Variants in ZNF280D observed in about 807,000 individuals in gnomAD.
ZNF280D encodes the protein zinc finger protein 280D.
ZNF280D carries 39 observed loss-of-function variants against 94.7 expected under a neutral mutation model. That is an observed-to-expected ratio of 0.41 (90% CI 0.32 to 0.54). The LOEUF (loss-of-function observed/expected upper bound fraction) is 0.54, where lower values mean the gene tolerates loss of function less well. ZNF280D is among the 20% of genes least tolerant of loss of function. ZNF280D has a pLI of 0.22. For synonymous variants in ZNF280D, 398 were observed against 377.6 expected (o/e 1.05, Z -0.63); for missense variants, 1,090 against 1,149.3 (o/e 0.95, Z 0.75).
At chr15:56,669,996 AT>A (rs1281678443) in intron 13 of ZNF280D, among the ~76,000 whole-genome samples, 4 of 1,526 alleles carry the variant, frequency 2.6e-3, no homozygotes, top group African/African-American at 5.7e-3. Flanking sequence ...ATATATATAT[AT>A]TATATATATA....
At position 56,632,045 on chromosome 15, in the gene ZNF280D, TTTG is replaced by T. The variant is rs1460574163; in HGVS notation, c.2390_2392del (p.Thr797del). 1 of 1,612,896 alleles carries T rather than the reference TTTG, an allele frequency of 6.2e-7. No homozygotes were observed. The highest frequency in any genetic ancestry group is 8.5e-7 in the Non-Finnish European group (1 of 1,179,504). ...TGAAACTGTTATGCTTTCTTCACTT[TTTG>T]TTGTTGATGAGCCTTCAAATGAATT... On this transcript the variant is annotated inframe_deletion, in exon 22 of 22. Transcript: ENST00000267807.
intron 16 of ZNF280D, among the ~76,000 whole-genome samples, chr15:56,661,795 A>C (rs1566947916): frequency 6.6e-6 from 1 of 152,228 alleles, no homozygotes; most frequent in Non-Finnish European, 1.5e-5. Context: ...GACAACTTAG[A>C]AATTAATAGC....
At chr15:56,669,136 T>A (rs1375788989) in intron 13 of ZNF280D, among the ~76,000 whole-genome samples, 179 bp from the exon 14 acceptor site, 1 of 152,038 alleles carries the variant, frequency 6.6e-6, no homozygotes, top group Non-Finnish European at 1.5e-5. Context: ...CATTAGTATT[T>A]GGGTTTCAAA....
At chr15:56,709,889 A>G (rs1032605187) in intron 1 of ZNF280D, among the ~76,000 whole-genome samples, 11 of 152,198 alleles carry the variant, frequency 7.2e-5, no homozygotes, top group Non-Finnish European at 1.3e-4. Flanking sequence ...GGATAGCATT[A>G]GGAGATATAC....
intron 4 of ZNF280D, among the ~76,000 whole-genome samples, chr15:56,701,639 TTACA>T (rs1319318479): frequency 6.6e-6 from 1 of 152,132 alleles, no homozygotes; most frequent in Non-Finnish European, 1.5e-5. Flanking sequence ...GACAGGGCTG[TTACA>T]TACAGTCAGG....
chr15:56,700,174 A>T, intron 6 of ZNF280D: 1 of 978,696 alleles, frequency 1.0e-6, no homozygotes, highest in Non-Finnish European at 1.2e-6. Context: ...ATGTCTAAAA[A>T]AGTGTACATT....
chr15:56,733,448 G>GGGCGCTTACCGTGAGCGGAGC lies in ZNF280D; in HGVS notation c.-97_-86+9dup. On this transcript the variant is annotated intron_variant, in intron 1 of 21. Transcript: ENST00000267807. ...CAGCGCAGGGCGGGCGGGGGCGGGG[G>GGGCGCTTACCGTGAGCGGAGC]GGCGCTTACCGTGAGCGGAGCGGAT... 2 of 1,063,818 alleles carry GGGCGCTTACCGTGAGCGGAGC rather than the reference G, an allele frequency of 1.9e-6. No homozygotes were observed. The highest frequency in any genetic ancestry group is 2.3e-6 in the Non-Finnish European group (2 of 875,486). 65.9% of individuals were successfully genotyped at this position (1,063,818 alleles called of 1,614,324 possible).
rs752586659 is a variant in ZNF280D, at chr15:56,654,253, TTTTACA to T, written c.2177-25_2177-20del. The stretch of plus-strand genomic sequence containing the variant: ...ACAGAAACTGAAATTAGAAGAAAAG[TTTTACA>T]TTTACAACAGCATATGAAATATGAT... On this transcript the variant is annotated intron_variant, in intron 18 of 21. Coordinates refer to ENST00000267807, the MANE Select transcript of ZNF280D (RefSeq NM_017661.4). 6 of 1,609,680 alleles carry T rather than the reference TTTTACA, an allele frequency of 3.7e-6. No individual in the cohort carries two copies. The highest frequency in any genetic ancestry group is 5.1e-6 in the Non-Finnish European group (6 of 1,178,858).
intron 7 of ZNF280D, among the ~76,000 whole-genome samples, chr15:56,691,990 T>C (rs1025262504): frequency 1.3e-5 from 2 of 152,104 alleles, no homozygotes; most frequent in African/African-American, 4.8e-5. Context: ...GATCAAATCA[T>C]CCCACTTACT....
At chr15:56,688,948 G>A (rs778376195) in intron 9 of ZNF280D, 93 bp downstream of exon 9, 8 of 689,408 alleles carry the variant, frequency 1.2e-5, no homozygotes, top group African/African-American at 1.1e-4. Flanking sequence ...ATACCAATGA[G>A]ATTATTTCTG....
chr15:56,730,683 C>T (rs1362461754), intron 1 of ZNF280D: 1 of 152,240 alleles, frequency 6.6e-6, no homozygotes, highest in African/African-American at 2.4e-5. Context: ...TCCTAGTCTC[C>T]CTAGGCTCTG....
At chr15:56,678,100 T>C (rs529392932) in intron 11 of ZNF280D, among the ~76,000 whole-genome samples, 1 of 151,900 alleles carries the variant, frequency 6.6e-6, no homozygotes, top group East Asian at 1.9e-4. Context: ...CTCCGTTTCC[T>C]GGGTTCAAGT....
intron 1 of ZNF280D, chr15:56,729,743 T>C (rs1204729056): frequency 2.0e-5 from 3 of 152,122 alleles, no homozygotes; most frequent in Non-Finnish European, 2.9e-5. Flanking sequence ...AGGAAGGGAA[T>C]GTTGTCTTAC....
intron 6 of ZNF280D, among the ~76,000 whole-genome samples, chr15:56,694,290 CACAT>C (rs759628318): frequency 5.2e-5 from 5 of 95,818 alleles, no homozygotes; most frequent in Non-Finnish European, 8.1e-5. Flanking sequence ...AATATAATGA[CACAT>C]ACACACACAC....
chr15:56,638,340 T>C (rs1381139926), intron 20 of ZNF280D, among the ~76,000 whole-genome samples: 1 of 152,102 alleles, frequency 6.6e-6, no homozygotes, highest in African/African-American at 2.4e-5. Context: ...CCATTCAAAA[T>C]ATAAAACAGA....
intron 17 of ZNF280D, chr15:56,654,834 C>G (rs745385784): frequency 4.3e-6 from 2 of 469,540 alleles, no homozygotes; most frequent in South Asian, 3.1e-5. Flanking sequence ...TATTTGTCCT[C>G]CCACGCATCT....
chr15:56,702,181 T>C (rs146785225), intron 4 of ZNF280D, among the ~76,000 whole-genome samples: 92 of 152,284 alleles, frequency 6.0e-4, no homozygotes, highest in African/African-American at 1.8e-3. Context: ...TGCTCTGTAA[T>C]TAAACACTAC....
chr15:56,707,234 T>C (rs771837460), intron 2 of ZNF280D, 29 bp downstream of exon 2: 39 of 1,579,270 alleles, frequency 2.5e-5, no homozygotes, highest in Non-Finnish European at 3.1e-5. Context: ...TCACAAATTA[T>C]TGGATGTAAG....
At chr15:56,698,771 C>G (rs1037617543) in intron 6 of ZNF280D, 3 of 152,230 alleles carry the variant, frequency 2.0e-5, no homozygotes, top group African/African-American at 7.2e-5. Context: ...AAGCAAGCAG[C>G]CTTATTGGGA....
Sources: allele counts gnomAD v4.1 joint callset (sites outside exome capture counted in the v4.1 genomes callset), GRCh38; gene constraint gnomAD v4.1.1; transcripts MANE v1.5; gene names NCBI Gene and HGNC (gene_info 2026-07-23, HGNC 2026-07-21).